The following NAALADL2 variants were observed in gnomAD, a reference collection of about 807,000 sequenced individuals.
NAALADL2 encodes inactive N-acetylated-alpha-linked acidic dipeptidase-like protein 2.
In NAALADL2, 76 loss-of-function variants were observed where a neutral mutation model predicts 87.2. That is an observed-to-expected ratio of 0.87 (90% CI 0.72 to 1.05). The LOEUF (loss-of-function observed/expected upper bound fraction) is 1.05. Ranked by LOEUF, NAALADL2 falls within the 50% of genes least tolerant of loss-of-function variation. The pLI, the probability that NAALADL2 is intolerant of heterozygous loss-of-function variation, is 0.00. For synonymous variants in NAALADL2, 354 were observed against 331.0 expected, an observed-to-expected ratio of 1.07 and a Z score of -0.75; for missense variants, 1,089 against 945.8, an observed-to-expected ratio of 1.15 and a Z score of -1.99.
chr3:174,601,915 G>T (rs1480751193), intron 2 of NAALADL2, among the ~76,000 whole-genome samples: 1 of 151,990 alleles, frequency 6.6e-6, no homozygotes, highest in African/African-American at 2.4e-5. Flanking sequence ...CCTTTTCCCA[G>T]TATGTGTTCT....
chr3:175,198,935 T>G (rs1739398628), intron 2 of NAALADL2, among the ~76,000 whole-genome samples: 1 of 152,072 alleles, frequency 6.6e-6, no homozygotes, highest in South Asian at 2.1e-4. Flanking sequence ...ACAGGACCTA[T>G]TTGCTGTTTT....
At chr3:175,612,835 C>T (rs561641036) in intron 10 of NAALADL2, among the ~76,000 whole-genome samples, 8 of 152,198 alleles carry the variant, frequency 5.3e-5, no homozygotes, top group Middle Eastern at 6.8e-3. Context: ...TTTTCTTTTC[C>T]TACCTTGCAA....
At chr3:174,871,663 C>A (rs1299476865) in intron 1 of NAALADL2, among the ~76,000 whole-genome samples, 1 of 152,128 alleles carries the variant, frequency 6.6e-6, no homozygotes. Context: ...CTTTGGGAGG[C>A]CAAGGTGGGT....
At chr3:174,811,689 T>A (rs1384930557) in intron 3 of NAALADL2, among the ~76,000 whole-genome samples, 1 of 152,080 alleles carries the variant, frequency 6.6e-6, no homozygotes, top group Non-Finnish European at 1.5e-5. Flanking sequence ...AGTTAAGACT[T>A]TGGGGACTGT....
intron 3 of NAALADL2, among the ~76,000 whole-genome samples, chr3:174,846,518 G>T (rs891377378): frequency 1.3e-5 from 2 of 152,092 alleles, no homozygotes; most frequent in Non-Finnish European, 2.9e-5. Context: ...AGTAATAAGA[G>T]AATTAAAAGT....
chr3:175,675,244 A>G (rs1035860051), intron 11 of NAALADL2: 5 of 152,202 alleles, frequency 3.3e-5, no homozygotes, highest in African/African-American at 7.2e-5. Flanking sequence ...ACTGGTCTCT[A>G]TATCAATAGA....
chr3:174,672,120 C>T (rs1726609412), intron 2 of NAALADL2, among the ~76,000 whole-genome samples: 1 of 152,078 alleles, frequency 6.6e-6, no homozygotes, highest in African/African-American at 2.4e-5. Context: ...CTATGATTCA[C>T]ATTTCCTCTG....
chr3:175,523,620 C>T (rs1194575802), intron 9 of NAALADL2, among the ~76,000 whole-genome samples: 1 of 152,216 alleles, frequency 6.6e-6, no homozygotes, highest in Non-Finnish European at 1.5e-5. Context: ...CAATGGTGAG[C>T]GTACACTTGG....
At chr3:174,999,094 G>A (rs1190014818) in intron 1 of NAALADL2, among the ~76,000 whole-genome samples, 2 of 152,034 alleles carry the variant, frequency 1.3e-5, no homozygotes, top group African/African-American at 4.8e-5. Context: ...TTTACTACTG[G>A]TTTTCCAGTA....
chr3:175,316,380 G>A (rs1759138125), intron 4 of NAALADL2, among the ~76,000 whole-genome samples: 1 of 152,038 alleles, frequency 6.6e-6, no homozygotes, highest in Non-Finnish European at 1.5e-5. Flanking sequence ...TCCATCAAAA[G>A]GCTCATAGTT....
rs975192086 is a variant in NAALADL2, at chr3:175,080,042, T to G, written c.44-16748T>G. On this transcript the variant is annotated intron_variant, in intron 1 of 13. Transcript: ENST00000454872. ...GTGCAGTGGAGCGATCTCGGCTCAC[T>G]GCAAGCTCCGCCTCCCGGGTTCACG... Among the ~76,000 whole-genome samples, 4 of 151,854 alleles carry G rather than the reference T, an allele frequency of 2.6e-5. No individual in the cohort carries two copies. In the East Asian group the frequency reaches 5.8e-4, roughly 22 times the overall value.
At chr3:175,339,880 A>T (rs1473081873) in intron 5 of NAALADL2, among the ~76,000 whole-genome samples, 1 of 152,188 alleles carries the variant, frequency 6.6e-6, no homozygotes, top group Non-Finnish European at 1.5e-5. Context: ...TAATAAGGAA[A>T]TGTGTTAAAA....
intron 11 of NAALADL2, among the ~76,000 whole-genome samples, chr3:175,645,395 A>T (rs1729860297): frequency 6.6e-6 from 1 of 152,138 alleles, no homozygotes; most frequent in African/African-American, 2.4e-5. Context: ...GGAAGTAGAT[A>T]TCACAAAAAT....
At chr3:175,372,206 C>G (rs554933150) in intron 5 of NAALADL2, among the ~76,000 whole-genome samples, 6 of 152,186 alleles carry the variant, frequency 3.9e-5, no homozygotes, top group African/African-American at 1.4e-4. Flanking sequence ...TTTAGCTAGC[C>G]CATTCAGTTT....
At chr3:174,855,909 AATAT>A (rs1334632623), upstream of NAALADL2, among the ~76,000 whole-genome samples, 2 of 149,588 alleles carry the variant, frequency 1.3e-5, no homozygotes, top group African/African-American at 4.9e-5. Context: ...CATAGATATG[AATAT>A]ATATACACAT....
intron 1 of NAALADL2, among the ~76,000 whole-genome samples, chr3:174,882,614 CATATGCAT>C (rs1729419432): frequency 6.8e-6 from 1 of 147,930 alleles, no homozygotes; most frequent in Non-Finnish European, 1.5e-5. Context: ...CATATATGTG[CATATGCAT>C]ATATGTGCAT....
intron 2 of NAALADL2, among the ~76,000 whole-genome samples, chr3:175,205,560 C>A (rs1029743247): frequency 1.3e-5 from 2 of 152,004 alleles, no homozygotes. Flanking sequence ...AACAAGAACC[C>A]AAAAGCAAAT....
chr3:174,995,984 G>C (rs1747393736), intron 1 of NAALADL2, among the ~76,000 whole-genome samples: 1 of 152,122 alleles, frequency 6.6e-6, no homozygotes, highest in Non-Finnish European at 1.5e-5. Context: ...GGAAATCAGG[G>C]AAAGAGGAAC....
chr3:175,305,925 G>C (rs879519530), intron 4 of NAALADL2, among the ~76,000 whole-genome samples: 1 of 151,964 alleles, frequency 6.6e-6, no homozygotes, highest in Non-Finnish European at 1.5e-5. Flanking sequence ...CCTTTAATTT[G>C]CTGGCGTCTA....
Sources: allele counts gnomAD v4.1 joint callset (sites outside exome capture counted in the v4.1 genomes callset), GRCh38; gene constraint gnomAD v4.1.1; transcripts MANE v1.5; gene names NCBI Gene and HGNC (gene_info 2026-07-23, HGNC 2026-07-21).